CAST: variants seen among roughly 807,000 people sequenced by gnomAD.
CAST encodes MIR583 host.
A neutral mutation model predicts 119.6 loss-of-function variants in CAST; 76 were observed. The ratio of observed to expected loss-of-function variants is 0.64; its 90% CI spans 0.53 to 0.77. The LOEUF is 0.77. Ranked by LOEUF, CAST falls within the 30% of genes least tolerant of loss-of-function variation. The pLI is 0.00. For missense variants in CAST, 953 were observed against 946.5 expected (o/e 1.01, Z -0.09); for synonymous variants, 319 against 331.6 (o/e 0.96, Z 0.41).
At chr5:96,430,678 C>G in the CAST span, among the ~76,000 whole-genome samples, 5,146 of 152,294 alleles carry the variant, frequency 0.034, 400 homozygotes, top group East Asian at 0.22. Context: ...AACGTGCTAT[C>G]AGCCTTCTAC....
the CAST span, among the ~76,000 whole-genome samples, chr5:96,199,159 A>C: frequency 5.3e-3 from 810 of 152,264 alleles, 9 homozygotes; most frequent in African/African-American, 0.019. Context: ...TGTGTAGGAG[A>C]GATTCTCTTT....
the CAST span, among the ~76,000 whole-genome samples, chr5:96,504,947 A>G: frequency 1.3e-5 from 2 of 152,176 alleles, no homozygotes; most frequent in South Asian, 4.1e-4. Flanking sequence ...GTTATTTTTT[A>G]ATAGTCAGCT....
upstream of CAST, among the ~76,000 whole-genome samples, chr5:96,523,553 A>T (rs986598215): frequency 6.6e-6 from 1 of 152,228 alleles, no homozygotes; most frequent in Non-Finnish European, 1.5e-5. Flanking sequence ...CTCCTCAGCC[A>T]CTTGAGAAAT....
At chr5:96,082,468 G>A in the CAST span, among the ~76,000 whole-genome samples, 1 of 152,024 alleles carries the variant, frequency 6.6e-6, no homozygotes, top group South Asian at 2.1e-4. Context: ...TCACACTCTA[G>A]GTCCTCTGAC....
At chr5:96,578,415 T>C (rs746063661) in intron 1 of CAST, among the ~76,000 whole-genome samples, 47 of 151,748 alleles carry the variant, frequency 3.1e-4, no homozygotes, top group Non-Finnish European at 6.5e-4. Flanking sequence ...CACCTTTTGA[T>C]TGGTATATTT....
At chr5:96,753,983 C>A in intron 20 of CAST, 77 bp from the exon 21 acceptor site, 1 of 798,866 alleles carries the variant, frequency 1.3e-6, no homozygotes, top group Non-Finnish European at 2.2e-6. Flanking sequence ...TAATGATATG[C>A]CTTTCTGAAT....
At chr5:96,537,041 T>C (rs1395849585) in intron 1 of CAST, among the ~76,000 whole-genome samples, 2 of 152,234 alleles carry the variant, frequency 1.3e-5, no homozygotes, top group African/African-American at 4.8e-5. Flanking sequence ...ATGTATGGTC[T>C]TGGAGAAATA....
At chr5:96,194,655 T>TTA in the CAST span, among the ~76,000 whole-genome samples, 5 of 152,186 alleles carry the variant, frequency 3.3e-5, no homozygotes, top group Non-Finnish European at 7.3e-5. Context: ...GAAATTAAAT[T>TTA]TAAAAAGGGA....
the CAST span, among the ~76,000 whole-genome samples, chr5:96,444,107 G>A: frequency 2.0e-5 from 3 of 152,312 alleles, no homozygotes; most frequent in East Asian, 1.9e-4. Context: ...AGCAGCCACA[G>A]GGATTGAGAG....
chr5:96,140,385 G>A, the CAST span, among the ~76,000 whole-genome samples: 6,087 of 152,242 alleles, frequency 0.04, 389 homozygotes, highest in African/African-American at 0.14. Context: ...AGATATAAAA[G>A]TTATCATACT....
At chr5:96,487,992 T>C in the CAST span, among the ~76,000 whole-genome samples, 2 of 152,228 alleles carry the variant, frequency 1.3e-5, no homozygotes, top group Non-Finnish European at 2.9e-5. Flanking sequence ...TTTATGTAAC[T>C]TTACTCATGG....
intron 1 of CAST, among the ~76,000 whole-genome samples, chr5:96,652,075 T>A (rs1748101949): frequency 6.6e-6 from 1 of 152,214 alleles, no homozygotes; most frequent in Non-Finnish European, 1.5e-5. Flanking sequence ...GGACCACAAC[T>A]GGGATTCAAA....
chr5:96,383,167 TATG>T, the CAST span, among the ~76,000 whole-genome samples: 1 of 152,184 alleles, frequency 6.6e-6, no homozygotes, highest in Non-Finnish European at 1.5e-5. Context: ...AGGCTGCTAT[TATG>T]ATGATCAGAA....
chr5:96,724,275 G>T (rs1300681517), intron 4 of CAST, among the ~76,000 whole-genome samples: 1 of 151,968 alleles, frequency 6.6e-6, no homozygotes, highest in Non-Finnish European at 1.5e-5. Context: ...TGACCTCCTG[G>T]ATGCAAGTGA....
chr5:96,767,479 A>G lies in CAST; in HGVS notation c.2172A>G (p.Ser724=). 2 of 1,611,944 alleles carry G rather than the reference A, an allele frequency of 1.2e-6. No homozygotes were observed. Among genetic ancestry groups the G allele is most frequent in the Non-Finnish European group, 1.7e-6 (2 of 1,178,266 alleles). Residue 724 remains serine (S), a synonymous_variant, in exon 28 of 32, where the codon TCA becomes TCG. Coordinates refer to ENST00000675179, the MANE Select transcript of CAST (RefSeq NM_001750.7). Reference sequence around the variant, plus strand: ...CACCTACAAAGAAATCAGAGGATTCAAAGGTAAAGACCATAGGAACATATT... The same window carrying G: ...CACCTACAAAGAAATCAGAGGATTCGAAGGTAAAGACCATAGGAACATATT... ...VKPPTKKSED[S]KKPADDQDPI... is the part of the protein sequence containing the mutation.
the CAST span, among the ~76,000 whole-genome samples, chr5:96,473,033 CTG>C: frequency 1.3e-5 from 2 of 152,200 alleles, no homozygotes; most frequent in Non-Finnish European, 2.9e-5. Flanking sequence ...GTATGGGTCT[CTG>C]TGTCCAGTTT....
intron 3 of CAST, among the ~76,000 whole-genome samples, chr5:96,703,608 A>G (rs1581033432): frequency 6.6e-6 from 1 of 152,088 alleles, no homozygotes; most frequent in Non-Finnish European, 1.5e-5. Flanking sequence ...AGGCAGGGGG[A>G]AGTTCTTTAT....
chr5:96,575,054 G>A (rs1412178069), intron 1 of CAST, among the ~76,000 whole-genome samples: 2 of 152,036 alleles, frequency 1.3e-5, no homozygotes, highest in African/African-American at 4.8e-5. Flanking sequence ...TATGTGATAT[G>A]TCTCTCCATT....
At chr5:96,292,182 A>G in the CAST span, among the ~76,000 whole-genome samples, 349 of 152,236 alleles carry the variant, frequency 2.3e-3, 2 homozygotes, top group African/African-American at 8.0e-3. Context: ...TTTGTCCTAA[A>G]ATTATATGTG....
Sources: allele counts gnomAD v4.1 joint callset (sites outside exome capture counted in the v4.1 genomes callset), GRCh38; gene constraint gnomAD v4.1.1; transcripts MANE v1.5; gene names NCBI Gene and HGNC (gene_info 2026-07-23, HGNC 2026-07-21).